Variants in TMEM108 observed in about 807,000 individuals in gnomAD.
The protein encoded by TMEM108 is transmembrane protein 108, also known as cancer/testis antigen 124.
Under a neutral mutation model 35.1 loss-of-function variants are expected in TMEM108, and 12 were observed. The observed-to-expected ratio is 0.34, with a 90% CI of 0.22 to 0.55. TMEM108 has a LOEUF of 0.55. Among genes scored for constraint, TMEM108 ranks in the 20% least tolerant of loss-of-function variants. The pLI, the probability that TMEM108 is intolerant of heterozygous loss-of-function variation, is 0.89. For synonymous variants in TMEM108, 287 were observed against 308.6 expected (o/e 0.93, Z 0.73); for missense variants, 680 against 753.3 (o/e 0.90, Z 1.14).
At chr3:133,360,711 C>G (rs555717021) in intron 3 of TMEM108, among the ~76,000 whole-genome samples, 1 of 152,136 alleles carries the variant, frequency 6.6e-6, no homozygotes, top group African/African-American at 2.4e-5. Context: ...TTTTCTGGAA[C>G]CTTGCCAATT....
At chr3:133,139,942 G>A (rs1944618828) in intron 2 of TMEM108, among the ~76,000 whole-genome samples, 3 of 152,206 alleles carry the variant, frequency 2.0e-5, no homozygotes, top group South Asian at 2.1e-4. Flanking sequence ...TGAGGCTGGG[G>A]TAGGACTTTC....
chr3:133,397,274 A>G lies in TMEM108; in HGVS notation c.*1288A>G, dbSNP rs1286108115. 1.3e-5 allele frequency: 2 copies of G among 152,118 alleles called. No homozygotes were observed. The highest frequency in any genetic ancestry group is 2.9e-5 in the Non-Finnish European group (2 of 68,022). The allele number at this position is 152,118 out of a possible 1,614,324, so 9.4% of individuals were successfully genotyped here. A position where few individuals can be genotyped will look rare whatever the true frequency, so the allele number is the denominator to read the frequency against. Reference sequence around the variant, plus strand: ...TCTAAAAGAAAAATAGTTTGATAGTATATTTTGAATATAGATGCTCTTATA... The same window carrying G: ...TCTAAAAGAAAAATAGTTTGATAGTGTATTTTGAATATAGATGCTCTTATA... On this transcript the variant is annotated 3_prime_UTR_variant, in exon 6 of 6. Coordinates refer to ENST00000321871, the MANE Select transcript of TMEM108 (RefSeq NM_023943.4).
At chr3:133,254,990 C>T (rs1391493003) in intron 3 of TMEM108, among the ~76,000 whole-genome samples, 2 of 152,216 alleles carry the variant, frequency 1.3e-5, no homozygotes, top group African/African-American at 2.4e-5. Context: ...AATGTGGCCT[C>T]TCCATGTGGC....
intron 2 of TMEM108, among the ~76,000 whole-genome samples, chr3:133,080,231 G>T (rs1049043289): frequency 1.3e-5 from 2 of 152,154 alleles, no homozygotes; most frequent in Non-Finnish European, 2.9e-5. Context: ...ACTGTCTGCG[G>T]CCCCTTCTTT....
intron 2 of TMEM108, among the ~76,000 whole-genome samples, chr3:133,121,538 A>G (rs1197912580): frequency 6.6e-6 from 1 of 152,218 alleles, no homozygotes; most frequent in African/African-American, 2.4e-5. Context: ...CATCCTATGT[A>G]GTACATTTTC....
chr3:133,338,821 T>A (rs887290291), intron 3 of TMEM108, among the ~76,000 whole-genome samples: 11 of 151,994 alleles, frequency 7.2e-5, no homozygotes, highest in African/African-American at 2.4e-4. Flanking sequence ...AGGATGAAAT[T>A]AAGGCATACA....
chr3:133,201,916 A>G lies in TMEM108; in HGVS notation c.-46-27350A>G, dbSNP rs139482098. Among the ~76,000 whole-genome samples the G allele has an allele frequency of 3.3e-3, 499 of 152,234 alleles. 3 individuals carry two copies. The highest frequency in any genetic ancestry group is 0.011 in the African/African-American group (471 of 41,536). ...GTTGAATTAATTGACACTCCCACCA[A>G]TGGTTTAAAAGCGTTCCTATTTTTC... On this transcript the variant is annotated intron_variant, in intron 2 of 5. Transcript: ENST00000321871.
intron 2 of TMEM108, among the ~76,000 whole-genome samples, chr3:133,054,091 G>C (rs910515714): frequency 1.3e-5 from 2 of 152,156 alleles, no homozygotes; most frequent in Non-Finnish European, 1.5e-5. Context: ...AGACCCCACT[G>C]GGGTAGAGCA....
In TMEM108 at chr3:133,229,449, T is replaced by G. The variant is rs1946119552; in HGVS notation, c.40+98T>G. The G allele has an allele frequency of 7.0e-6, 8 of 1,146,636 alleles. 1 individual carries two copies. In the South Asian group the frequency reaches 1.1e-4, roughly 16 times the overall value. The allele number at this position is 1,146,636 out of a possible 1,614,324, so 71.0% of individuals were successfully genotyped here. On this transcript the variant is annotated intron_variant, in intron 3 of 5. Coordinates refer to ENST00000321871, the MANE Select transcript of TMEM108 (RefSeq NM_023943.4). Reference sequence around the variant, plus strand: ...TTTTTGGACGGAGACCAGGGTTGGATCGGTGAAAGAGGACAGTAAAGTTTC... The same window carrying G: ...TTTTTGGACGGAGACCAGGGTTGGAGCGGTGAAAGAGGACAGTAAAGTTTC...
At chr3:133,312,157 G>A (rs1234168613) in intron 3 of TMEM108, among the ~76,000 whole-genome samples, 1 of 152,236 alleles carries the variant, frequency 6.6e-6, no homozygotes, top group Admixed American at 6.5e-5. Context: ...CCCCTACTGG[G>A]AGGTATCTCC....
rs11309146 is a variant in TMEM108 at position 133,185,784 on chromosome 3, C to CT, written c.-46-43467dup. 4.6e-3 allele frequency among the ~76,000 whole-genome samples: 587 copies of CT among 127,110 alleles called. 12 individuals are homozygous for CT. The highest frequency in any genetic ancestry group is 0.016 in the African/African-American group (565 of 35,132). The allele number at this position is 127,110 out of a possible 152,430, so 83.4% of individuals were successfully genotyped here. ...CGTTTCTTTTCTTTTCTTTTCTTTT[C>CT]TTTTTTTTTTTTTTTGAGACAGAGT... On this transcript the variant is annotated intron_variant, in intron 2 of 5. Coordinates refer to ENST00000321871, the MANE Select transcript of TMEM108 (RefSeq NM_023943.4).
At chr3:133,201,378 A>G (rs976063625) in intron 2 of TMEM108, among the ~76,000 whole-genome samples, 1 of 152,158 alleles carries the variant, frequency 6.6e-6, no homozygotes, top group South Asian at 2.1e-4. Context: ...TACATGTGCC[A>G]TGGTGGTTTG....
At chr3:133,378,444 T>C in intron 3 of TMEM108, 1 of 985,320 alleles carries the variant, frequency 1.0e-6, no homozygotes, top group Non-Finnish European at 1.2e-6. Flanking sequence ...TCTGAGAGAG[T>C]AATTAGACGC....
chr3:133,344,674 A>C lies in TMEM108; in HGVS notation c.41-35078A>C, dbSNP rs569576672. The stretch of plus-strand genomic sequence containing the variant: ...TTATCCAGTAGTTGATTGGGAACAA[A>C]ATAATAAAATGTGCACCTTTCAGTC... On this transcript the variant is annotated intron_variant, in intron 3 of 5. Coordinates refer to ENST00000321871, the MANE Select transcript of TMEM108 (RefSeq NM_023943.4). Among the ~76,000 whole-genome samples the C allele has an allele frequency of 5.3e-5, 8 of 152,012 alleles. No homozygotes were observed. The East Asian group carries it at 1.5e-3, about 29-fold the overall frequency.
intron 3 of TMEM108, among the ~76,000 whole-genome samples, chr3:133,270,732 C>A (rs922498812): frequency 6.6e-6 from 1 of 152,012 alleles, no homozygotes. Flanking sequence ...GTCATAATCT[C>A]CAACTTCTGC....
chr3:133,380,476 G>A lies in TMEM108; in HGVS notation c.765G>A (p.Ala255=), dbSNP rs751525194. ...CACCACAGCCCCAGACAGTGGCTGC[G>A]ACCACAGTGCCCAGCAATACCTCAT... ...SSSPQPQTVA[A]TTVPSNTSWA... is the part of the protein sequence containing the mutation. Residue 255 remains alanine (A), a synonymous_variant, in exon 4 of 6, where the codon GCG becomes GCA. Coordinates refer to ENST00000321871, the MANE Select transcript of TMEM108 (RefSeq NM_023943.4). The surrounding 1 kb of genome is among the most constrained non-coding windows in gnomAD (Gnocchi z 5.3). 22 of 1,613,776 alleles carry A rather than the reference G, an allele frequency of 1.4e-5. No individual in the cohort carries two copies. Among genetic ancestry groups the A allele is most frequent in the African/African-American group, 5.3e-5 (4 of 74,886 alleles).
chr3:133,048,317 G>A (rs1559815742), intron 2 of TMEM108, among the ~76,000 whole-genome samples: 1 of 152,146 alleles, frequency 6.6e-6, no homozygotes, highest in Non-Finnish European at 1.5e-5. Context: ...AGAATGTTTG[G>A]AGATCAGTGT....
chr3:133,284,759 A>G (rs1946961744), intron 3 of TMEM108, among the ~76,000 whole-genome samples: 1 of 152,202 alleles, frequency 6.6e-6, no homozygotes, highest in South Asian at 2.1e-4. Flanking sequence ...TAATGACAAA[A>G]CACTATCTTA....
chr3:133,143,921 CTTTTATTTTATTTTATTTTA>C (rs3078779), intron 2 of TMEM108, among the ~76,000 whole-genome samples: 29,804 of 131,126 alleles, frequency 0.23, 3,820 homozygotes, highest in Non-Finnish European at 0.29. Context: ...GGAAGGCTCA[CTTTTATTTTATTTTATTTTA>C]TTTTATTTTA....
Sources: allele counts gnomAD v4.1 joint callset (sites outside exome capture counted in the v4.1 genomes callset), GRCh38; gene constraint gnomAD v4.1.1; non-coding constraint Gnocchi (gnomAD v3.1); transcripts MANE v1.5; gene names NCBI Gene and HGNC (gene_info 2026-07-23, HGNC 2026-07-21).